The following IMMP2L variants were observed in gnomAD, a reference collection of about 807,000 sequenced individuals.
IMMP2L encodes the protein mitochondrial inner membrane protease subunit 2.
In IMMP2L, 18 loss-of-function variants were observed where a neutral mutation model predicts 19.3. The ratio of observed to expected loss-of-function variants is 0.93; its 90% CI spans 0.64 to 1.38. IMMP2L has a LOEUF of 1.38. Ranked by LOEUF, IMMP2L falls within the 40% of genes most tolerant of loss-of-function variation. The probability of loss-of-function intolerance (pLI) is 0.00; values close to 1 mark genes in which losing one functional copy is unlikely to be tolerated. For synonymous variants in IMMP2L, 76 were observed against 73.0 expected, an observed-to-expected ratio of 1.04 and a Z score of -0.21; for missense variants, 233 against 218.2, an observed-to-expected ratio of 1.07 and a Z score of -0.43.
intron 5 of IMMP2L, among the ~76,000 whole-genome samples, chr7:110,684,869 C>A (rs1793001467): frequency 6.6e-6 from 1 of 152,038 alleles, no homozygotes; most frequent in South Asian, 2.1e-4. Flanking sequence ...TGGATGAAGT[C>A]TTTTCACAAA....
At chr7:111,560,633 T>C (rs867187334) in intron 1 of IMMP2L, among the ~76,000 whole-genome samples, 1 of 152,210 alleles carries the variant, frequency 6.6e-6, no homozygotes, top group African/African-American at 2.4e-5. Flanking sequence ...ACAGGGAAAG[T>C]CTTGTAAATT....
intron 3 of IMMP2L, among the ~76,000 whole-genome samples, chr7:111,263,290 C>T (rs1227572002): frequency 6.6e-6 from 1 of 151,984 alleles, no homozygotes; most frequent in East Asian, 1.9e-4. Flanking sequence ...GTGAGAAGTA[C>T]CTGTATTCTG....
chr7:111,487,376 T>C (rs774737344), intron 2 of IMMP2L, 35 bp from the exon 3 acceptor site: 1 of 1,247,054 alleles, frequency 8.0e-7, no homozygotes, highest in South Asian at 1.2e-5. Context: ...CTTCTATCAT[T>C]TGTATTTTTC....
Position 111,016,815 on chromosome 7 carries a change from ATT to A in IMMP2L, c.240-53252_240-53251del, listed in dbSNP as rs1460162939. On this transcript the variant is annotated intron_variant, in intron 3 of 5. Coordinates refer to ENST00000405709, the MANE Select transcript of IMMP2L (RefSeq NM_032549.4). ...ATATAATATATAATATATACTATAT[ATT>A]ATATATAATATATAGTATATATTAT... is the stretch of plus-strand genomic sequence containing the variant. Among the ~76,000 whole-genome samples, 7 of 50,048 alleles carry A rather than the reference ATT, an allele frequency of 1.4e-4. No individual in the cohort carries two copies. The East Asian group carries it at 6.9e-3, about 49-fold the overall frequency. The allele number at this position is 50,048 out of a possible 152,430, so 32.8% of individuals were successfully genotyped here. A position where few individuals can be genotyped will look rare whatever the true frequency, so the allele number is the denominator to read the frequency against.
intron 4 of IMMP2L, among the ~76,000 whole-genome samples, chr7:110,942,735 G>C (rs1456806072): frequency 6.6e-6 from 1 of 151,498 alleles, no homozygotes; most frequent in Non-Finnish European, 1.5e-5. Context: ...TAAAATGTCA[G>C]ATAGAGAAAA....
intron 3 of IMMP2L, among the ~76,000 whole-genome samples, chr7:111,070,369 AATG>A (rs973392152): frequency 2.0e-5 from 3 of 152,184 alleles, no homozygotes; most frequent in African/African-American, 7.2e-5. Context: ...TGTCATGGCA[AATG>A]ATGATTAGTG....
intron 1 of IMMP2L, among the ~76,000 whole-genome samples, chr7:111,527,653 A>C (rs1215041829): frequency 1.3e-5 from 2 of 152,142 alleles, no homozygotes; most frequent in Non-Finnish European, 2.9e-5. Flanking sequence ...TAAAAGACCC[A>C]ACAGTGAGGG....
In IMMP2L at chr7:110,948,745, G is replaced by A. The variant is rs116917029; in HGVS notation, c.305+14755C>T. On this transcript the variant is annotated intron_variant, in intron 4 of 5. Coordinates refer to ENST00000405709, the MANE Select transcript of IMMP2L (RefSeq NM_032549.4). ...TTAACTGGATTAAAAATTACTAAGAGAACTGGTAAAGGTTTATTTCTGAGT... is the reference window on the plus strand; with the variant it reads ...TTAACTGGATTAAAAATTACTAAGAAAACTGGTAAAGGTTTATTTCTGAGT... Among the ~76,000 whole-genome samples the A allele has an allele frequency of 6.0e-3, 910 of 152,258 alleles. 4 individuals are homozygous for A. Among genetic ancestry groups the A allele is most frequent in the Non-Finnish European group, 0.01 (695 of 68,014 alleles).
chr7:111,116,387 A>C (rs900288306), intron 3 of IMMP2L, among the ~76,000 whole-genome samples: 32 of 152,224 alleles, frequency 2.1e-4, no homozygotes, highest in African/African-American at 6.8e-4. Context: ...AAAATATCAG[A>C]TTTGAGAATC....
rs567887604 is a variant in IMMP2L, at chr7:110,838,037, T to C, written c.408+48556A>G. ...TTGCGGGAATAACTAAATCTCACTGTTGTTCCAGCAAAGGCCTTGGATTAA... is the reference window on the plus strand; with the variant it reads ...TTGCGGGAATAACTAAATCTCACTGCTGTTCCAGCAAAGGCCTTGGATTAA... On this transcript the variant is annotated intron_variant, in intron 5 of 5. Transcript: ENST00000405709. Among the ~76,000 whole-genome samples, 4 of 152,256 alleles carry C rather than the reference T, an allele frequency of 2.6e-5. No individual in the cohort carries two copies. The South Asian group carries it at 6.2e-4, about 24-fold the overall frequency.
At chr7:110,918,354 C>T (rs1813850792) in intron 4 of IMMP2L, among the ~76,000 whole-genome samples, 1 of 151,966 alleles carries the variant, frequency 6.6e-6, no homozygotes, top group South Asian at 2.1e-4. Context: ...CCTGAACTTA[C>T]AGCTCTAAAA....
At chr7:110,741,901 A>G (rs1057402687) in intron 5 of IMMP2L, among the ~76,000 whole-genome samples, 4 of 152,196 alleles carry the variant, frequency 2.6e-5, no homozygotes, top group Admixed American at 6.5e-5. Context: ...GGCAATAAGT[A>G]TAAACATTTA....
chr7:110,751,106 T>C (rs1298926516), intron 5 of IMMP2L, among the ~76,000 whole-genome samples: 3 of 151,900 alleles, frequency 2.0e-5, no homozygotes, highest in Non-Finnish European at 4.4e-5. Flanking sequence ...AATACTCTCT[T>C]GAGAACATAA....
intron 3 of IMMP2L, among the ~76,000 whole-genome samples, chr7:111,090,132 TA>T (rs993585983): frequency 2.6e-5 from 4 of 152,122 alleles, no homozygotes; most frequent in African/African-American, 9.7e-5. Flanking sequence ...ATTAAGGTTG[TA>T]AAACATGCAT....
At chr7:110,815,138 C>T (rs574189828) in intron 5 of IMMP2L, among the ~76,000 whole-genome samples, 3 of 152,062 alleles carry the variant, frequency 2.0e-5, no homozygotes, top group Non-Finnish European at 4.4e-5. Context: ...GAGATATGTC[C>T]AATCAATACC....
intron 5 of IMMP2L, among the ~76,000 whole-genome samples, chr7:110,884,023 A>G (rs1036171386): frequency 1.3e-5 from 2 of 152,084 alleles, no homozygotes; most frequent in African/African-American, 4.8e-5. Flanking sequence ...TGCTGCAGGC[A>G]TTTTTAATTG....
intron 3 of IMMP2L, among the ~76,000 whole-genome samples, chr7:111,431,233 T>C (rs540434250): frequency 6.6e-6 from 1 of 151,892 alleles, no homozygotes; most frequent in Non-Finnish European, 1.5e-5. Flanking sequence ...TTTTGTTAGA[T>C]AACAAAATCC....
intron 5 of IMMP2L, among the ~76,000 whole-genome samples, chr7:110,864,478 C>A (rs1005445870): frequency 2.4e-4 from 37 of 152,024 alleles, no homozygotes; most frequent in Non-Finnish European, 4.1e-4. Context: ...AAAATTTGAC[C>A]AAGCCATCAT....
chr7:111,024,474 C>T (rs2129567528), intron 3 of IMMP2L, among the ~76,000 whole-genome samples: 1 of 152,294 alleles, frequency 6.6e-6, no homozygotes, highest in South Asian at 2.1e-4. Context: ...CCCAGGTAGT[C>T]TTCTGTGCTC....
Sources: gnomAD v4.1 joint callset for allele counts (sites outside exome capture counted in the v4.1 genomes callset) on GRCh38, gnomAD v4.1.1 for gene constraint, MANE v1.5 for transcripts, NCBI Gene and HGNC (gene_info 2026-07-23, HGNC 2026-07-21) for gene names.